Variants in DGKG observed in about 807,000 individuals in gnomAD.
DGKG encodes diacylglycerol kinase gamma, also known as DAG kinase gamma.
DGKG carries 78 observed loss-of-function variants against 105.3 expected under a neutral mutation model. The observed-to-expected ratio is 0.74, with a 90% CI of 0.62 to 0.89. The LOEUF is 0.89. Among genes scored for constraint, DGKG ranks in the 40% least tolerant of loss-of-function variants. The pLI, the probability that DGKG is intolerant of heterozygous loss-of-function variation, is 0.00. For missense variants in DGKG, 958 were observed against 1,020.1 expected, an observed-to-expected ratio of 0.94 and a Z score of 0.83; for synonymous variants, 346 against 367.1, an observed-to-expected ratio of 0.94 and a Z score of 0.66.
chr3:186,345,925 C>T (rs888129944), intron 1 of DGKG, among the ~76,000 whole-genome samples: 5 of 152,098 alleles, frequency 3.3e-5, no homozygotes, highest in Admixed American at 2.0e-4. Context: ...CCCGCCACCA[C>T]GCCTGGCTAA....
intron 3 of DGKG, among the ~76,000 whole-genome samples, chr3:186,301,233 T>C (rs1723904976): frequency 6.6e-6 from 1 of 152,196 alleles, no homozygotes; most frequent in East Asian, 1.9e-4. Context: ...AAGGCTTCCT[T>C]AACCCCATGT....
chr3:186,311,495 T>G (rs1724541358), intron 2 of DGKG, among the ~76,000 whole-genome samples: 1 of 152,204 alleles, frequency 6.6e-6, no homozygotes, highest in South Asian at 2.1e-4. Context: ...AGTTCTGTCC[T>G]AAATCGGGTG....
rs5855085 is a variant in DGKG, at chr3:186,238,292, TA to T, written c.1826+4211del. 3.9e-3 allele frequency among the ~76,000 whole-genome samples: 314 copies of T among 81,264 alleles called. 1 individual carries two copies. The highest frequency in any genetic ancestry group is 0.015 in the African/African-American group (277 of 18,882). 53.3% of individuals were successfully genotyped at this position (81,264 alleles called of 152,430 possible). Reference sequence around the variant, plus strand: ...GGCCAGGTGACAGAATGACTCTTTCTAAAAAAAAAAAAAAAAAAAAAAAGAC... The same window carrying T: ...GGCCAGGTGACAGAATGACTCTTTCTAAAAAAAAAAAAAAAAAAAAAAGAC... On this transcript the variant is annotated intron_variant, in intron 20 of 24. Coordinates refer to ENST00000265022, the MANE Select transcript of DGKG (RefSeq NM_001346.3).
intron 23 of DGKG, among the ~76,000 whole-genome samples, chr3:186,163,669 C>T (rs1356519478): frequency 1.3e-5 from 2 of 151,996 alleles, no homozygotes; most frequent in Non-Finnish European, 2.9e-5. Context: ...GGATGGGGCT[C>T]CTGGCTCACC....
At chr3:186,297,291 C>T (rs1560140000) in intron 5 of DGKG, 130 bp downstream of exon 5, 1 of 707,648 alleles carries the variant, frequency 1.4e-6, no homozygotes, top group Non-Finnish European at 2.5e-6. Context: ...CTGAAGGCCA[C>T]AGGAGGACCA....
intron 8 of DGKG, among the ~76,000 whole-genome samples, 199 bp from the exon 9 acceptor site, chr3:186,280,172 G>A (rs1024000898): frequency 6.6e-6 from 1 of 152,228 alleles, no homozygotes; most frequent in African/African-American, 2.4e-5. Flanking sequence ...CCTTGGGCCA[G>A]TCACCCTGAC....
chr3:186,227,266 T>C (rs752353921), intron 20 of DGKG, among the ~76,000 whole-genome samples: 1 of 152,250 alleles, frequency 6.6e-6, no homozygotes, highest in Non-Finnish European at 1.5e-5. Context: ...CAATACAGCA[T>C]CATACCAATA....
chr3:186,309,994 C>T (rs1468947), intron 2 of DGKG, among the ~76,000 whole-genome samples: 75,926 of 150,358 alleles, frequency 0.5, 20,084 homozygotes, highest in Non-Finnish European at 0.58. Flanking sequence ...CACAGCCGGG[C>T]GCGGTGGCTC....
At chr3:186,209,662 T>G (rs538537085) in intron 21 of DGKG, among the ~76,000 whole-genome samples, 1 of 152,202 alleles carries the variant, frequency 6.6e-6, no homozygotes, top group East Asian at 1.9e-4. Flanking sequence ...TTAGCATAGC[T>G]GCTCTTACCA....
intron 24 of DGKG, chr3:186,160,218 G>A (rs1716229288): frequency 1.0e-6 from 1 of 985,282 alleles, no homozygotes; most frequent in African/African-American, 1.7e-5. Flanking sequence ...GGGTGGGTGT[G>A]GGCATAGGGA....
chr3:186,172,068 A>T (rs1389234656), intron 22 of DGKG, among the ~76,000 whole-genome samples: 1 of 152,074 alleles, frequency 6.6e-6, no homozygotes, highest in Non-Finnish European at 1.5e-5. Context: ...GCTGGTCTTG[A>T]ACTCCTGATC....
At chr3:186,338,758 T>C (rs997270638) in intron 1 of DGKG, among the ~76,000 whole-genome samples, 1 of 152,210 alleles carries the variant, frequency 6.6e-6, no homozygotes, top group Non-Finnish European at 1.5e-5. Flanking sequence ...TTCTATTTTT[T>C]TCTGGCACAA....
intron 7 of DGKG, among the ~76,000 whole-genome samples, chr3:186,281,914 A>C (rs1214860298): frequency 6.6e-6 from 1 of 152,218 alleles, no homozygotes; most frequent in Non-Finnish European, 1.5e-5. Context: ...TTAAAGAATC[A>C]TAGGGGACGG....
intron 24 of DGKG, chr3:186,160,341 T>C: frequency 2.4e-5 from 24 of 985,384 alleles, no homozygotes; most frequent in Non-Finnish European, 2.9e-5. Context: ...ACCTTTTTTT[T>C]TGTAGGGGGG....
intron 20 of DGKG, among the ~76,000 whole-genome samples, chr3:186,222,282 A>G (rs1719621967): frequency 6.6e-6 from 1 of 152,182 alleles, no homozygotes; most frequent in Admixed American, 6.5e-5. Flanking sequence ...AAACAATGTG[A>G]TGTTGAGGTT....
In DGKG at chr3:186,251,884, C is replaced by A; in HGVS notation, c.1636G>T (p.Asp546Tyr). 1 of 1,598,174 alleles carries A rather than the reference C, an allele frequency of 6.3e-7. No individual in the cohort carries two copies. Among genetic ancestry groups the A allele is most frequent in the Non-Finnish European group, 8.5e-7 (1 of 1,170,778 alleles). The change falls in exon 19 of 25, where the codon GAC (aspartate) becomes TAC (tyrosine). Residue 546 changes from aspartate (D) to tyrosine (Y), a missense_variant. Physicochemically the swap from Asp to Tyr is radical, Grantham distance 160. Around this residue, in one of 2 missense-constraint regions of DGKG, gnomAD observed 315 missense variants for 400.6 expected, o/e 0.79. Transcript: ENST00000265022. ...EGGSLTKILK[D>Y]IEQSPLVMLD... ...ATCACCAAGGGGCTCTGCTCAATGT[C>A]TTTCAGGATTTTTGTCAAGCTGCCC...
rs968966724 is a variant in DGKG at position 186,210,505 on chromosome 3, G to A, written c.1917+1290C>T. On this transcript the variant is annotated intron_variant, in intron 21 of 24. Transcript: ENST00000265022. This position sits in a 1 kb window ranked among gnomAD's most constrained non-coding sequence, Gnocchi z 5.2. Reference sequence around the variant, plus strand: ...AAAAGTTCAGGGGATTAGCCAGATCGGCGCCTCCCACCCTGGCGTTGGTAA... The same window carrying A: ...AAAAGTTCAGGGGATTAGCCAGATCAGCGCCTCCCACCCTGGCGTTGGTAA... Among the ~76,000 whole-genome samples, 1 of 152,226 alleles carries A rather than the reference G, an allele frequency of 6.6e-6. No homozygotes were observed. Among genetic ancestry groups the A allele is most frequent in the Non-Finnish European group, 1.5e-5 (1 of 68,038 alleles).
chr3:186,317,588 C>T (rs1724877665), intron 2 of DGKG, among the ~76,000 whole-genome samples: 1 of 152,196 alleles, frequency 6.6e-6, no homozygotes, highest in African/African-American at 2.4e-5. Flanking sequence ...CCCATGATGT[C>T]CTCCACCCTG....
At chr3:186,273,492 A>C (rs1321800675) in intron 10 of DGKG, among the ~76,000 whole-genome samples, 1 of 146,682 alleles carries the variant, frequency 6.8e-6, no homozygotes, top group Non-Finnish European at 1.5e-5. Flanking sequence ...TTCCTGCCTC[A>C]GCCTCCCGAG....
Sources: gnomAD v4.1 joint callset for allele counts (sites outside exome capture counted in the v4.1 genomes callset) on GRCh38, gnomAD v4.1.1 for gene constraint, gnomAD v4.1.1 regional missense constraint, Gnocchi (gnomAD v3.1) non-coding constraint, MANE v1.5 for transcripts, NCBI Gene and HGNC (gene_info 2026-07-23, HGNC 2026-07-21) for gene names.